FIRRM: variants seen among roughly 807,000 people sequenced by gnomAD.
FIRRM encodes the protein FIGNL1-interacting regulator of recombination and mitosis.
chr1:169,810,201 G>A, the FIRRM span, among the ~76,000 whole-genome samples: 147 of 152,228 alleles, frequency 9.7e-4, no homozygotes, highest in Admixed American at 1.6e-3. Flanking sequence ...CACATTGGGT[G>A]TTAGGTGTCT....
At chr1:169,839,081 C>T in the FIRRM span, among the ~76,000 whole-genome samples, 12 of 152,036 alleles carry the variant, frequency 7.9e-5, no homozygotes, top group African/African-American at 1.2e-4. Flanking sequence ...GGTGTCTAGC[C>T]GCTCTCTGTT....
chr1:169,825,641 T>C, the FIRRM span, among the ~76,000 whole-genome samples: 107,480 of 152,106 alleles, frequency 0.71, 38,179 homozygotes, highest in Middle Eastern at 0.85. Flanking sequence ...CTTTTATTTA[T>C]TTATAATTTA....
chr1:169,822,130 C>T, the FIRRM span, among the ~76,000 whole-genome samples: 1 of 152,180 alleles, frequency 6.6e-6, no homozygotes, highest in Admixed American at 6.5e-5. Flanking sequence ...TGGGTAACAA[C>T]TACCCGTCAA....
the FIRRM span, among the ~76,000 whole-genome samples, chr1:169,789,386 G>C: frequency 6.6e-6 from 1 of 152,176 alleles, no homozygotes; most frequent in Non-Finnish European, 1.5e-5. Flanking sequence ...CCACCCCACA[G>C]ACCCTATAGC....
the FIRRM span, chr1:169,851,910 G>A: frequency 1.9e-6 from 3 of 1,614,032 alleles, no homozygotes; most frequent in Non-Finnish European, 2.5e-6. Flanking sequence ...TGTGACTGTA[G>A]AAGAAGCAAA....
the FIRRM span, among the ~76,000 whole-genome samples, chr1:169,814,463 G>T: frequency 1.3e-5 from 2 of 152,164 alleles, no homozygotes; most frequent in Admixed American, 1.3e-4. Context: ...ACTGTGAAAA[G>T]TGTTGCAAGG....
the FIRRM span, chr1:169,792,801 G>A: frequency 1.2e-6 from 2 of 1,613,038 alleles, no homozygotes; most frequent in Non-Finnish European, 1.7e-6. Context: ...TAATAATCTG[G>A]GTTGTAAATG....
the FIRRM span, among the ~76,000 whole-genome samples, chr1:169,815,668 C>A: frequency 6.6e-6 from 1 of 152,188 alleles, no homozygotes; most frequent in Admixed American, 6.5e-5. Context: ...GCTGTTTTAT[C>A]AGCAAGGTCT....
chr1:169,825,862 A>G, the FIRRM span, among the ~76,000 whole-genome samples: 6 of 152,234 alleles, frequency 3.9e-5, no homozygotes, highest in African/African-American at 1.2e-4. Flanking sequence ...CAAGTTTACA[A>G]TTAATGTGGC....
At chr1:169,834,297 T>C in the FIRRM span, among the ~76,000 whole-genome samples, 1 of 152,168 alleles carries the variant, frequency 6.6e-6, no homozygotes, top group Non-Finnish European at 1.5e-5. Context: ...CAAGTTATTG[T>C]GATAAAATTT....
the FIRRM span, chr1:169,807,903 G>A: frequency 6.2e-7 from 1 of 1,607,794 alleles, no homozygotes; most frequent in Non-Finnish European, 8.5e-7. Flanking sequence ...ACAGTTAGCT[G>A]AGCAGATGAC....
chr1:169,811,556 G>A, the FIRRM span, among the ~76,000 whole-genome samples: 1 of 152,090 alleles, frequency 6.6e-6, no homozygotes, highest in Non-Finnish European at 1.5e-5. Context: ...TTGGGAGACT[G>A]GGGTGGGAGG....
At chr1:169,834,920 T>C in the FIRRM span, among the ~76,000 whole-genome samples, 2 of 152,186 alleles carry the variant, frequency 1.3e-5, no homozygotes, top group Non-Finnish European at 2.9e-5. Context: ...TCAAATGTTG[T>C]TGGGTGTTTG....
At chr1:169,829,780 T>A in the FIRRM span, among the ~76,000 whole-genome samples, 1 of 152,162 alleles carries the variant, frequency 6.6e-6, no homozygotes, top group East Asian at 1.9e-4. Flanking sequence ...TAATATAGAT[T>A]TTAAAAAGGA....
chr1:169,804,354 T>A, the FIRRM span: 1 of 874,086 alleles, frequency 1.1e-6, no homozygotes, highest in Non-Finnish European at 1.6e-6. Context: ...AAAATTGATT[T>A]AAATCTTACC....
At chr1:169,813,412 C>G in the FIRRM span, among the ~76,000 whole-genome samples, 1 of 152,176 alleles carries the variant, frequency 6.6e-6, no homozygotes, top group Admixed American at 6.5e-5. Flanking sequence ...TATCAATTTA[C>G]AAATGTAATA....
the FIRRM span, among the ~76,000 whole-genome samples, chr1:169,848,487 A>G: frequency 1.3e-5 from 2 of 152,320 alleles, no homozygotes; most frequent in Admixed American, 1.3e-4. Flanking sequence ...TAATTAAAGC[A>G]AACACATTAT....
the FIRRM span, chr1:169,830,342 G>A: frequency 9.3e-6 from 15 of 1,612,578 alleles, no homozygotes; most frequent in Admixed American, 1.8e-4. Context: ...TCCTTGCTCG[G>A]TACAACATAT....
At chr1:169,822,753 C>T in the FIRRM span, among the ~76,000 whole-genome samples, 4 of 151,896 alleles carry the variant, frequency 2.6e-5, no homozygotes, top group Admixed American at 1.3e-4. Context: ...GCCTGCCCTG[C>T]CCTCCCAAAA....
Sources: allele counts gnomAD v4.1 joint callset (sites outside exome capture counted in the v4.1 genomes callset), GRCh38; gene constraint gnomAD v4.1.1; transcripts MANE v1.5; gene names NCBI Gene and HGNC (gene_info 2026-07-23, HGNC 2026-07-21).